Variants in CLEC4A observed in about 807,000 individuals in gnomAD.
CLEC4A encodes C-type lectin domain family 4 member A.
Under a neutral mutation model 32.7 loss-of-function variants are expected in CLEC4A, and 27 were observed. The ratio of observed to expected loss-of-function variants is 0.83; its 90% CI spans 0.61 to 1.14. The LOEUF is 1.14. Among genes scored for constraint, CLEC4A ranks in the 50% most tolerant of loss-of-function variants. The probability of loss-of-function intolerance (pLI) is 0.00; values close to 1 mark genes in which losing one functional copy is unlikely to be tolerated. For synonymous variants in CLEC4A, 89 were observed against 93.7 expected, an observed-to-expected ratio of 0.95 and a Z score of 0.29; for missense variants, 253 against 274.6, an observed-to-expected ratio of 0.92 and a Z score of 0.55.
chr12:8,111,499 C>G, the CLEC4A span, among the ~76,000 whole-genome samples: 6 of 152,216 alleles, frequency 3.9e-5, no homozygotes, highest in East Asian at 1.2e-3. Context: ...TTTTTTAAAG[C>G]ATTCTCTCTC....
intron 3 of CLEC4A, among the ~76,000 whole-genome samples, chr12:8,135,045 A>ATTTTTTTTTTTT (rs1565406500): frequency 1.0e-3 from 5 of 4,970 alleles, no homozygotes; most frequent in African/African-American, 1.3e-3. Flanking sequence ...CAATTTTATT[A>ATTTTTTTTTTTT]TCTTTTTTTT....
chr12:8,120,690 G>A (rs1947824460), upstream of CLEC4A, among the ~76,000 whole-genome samples: 3 of 152,226 alleles, frequency 2.0e-5, no homozygotes, highest in South Asian at 6.2e-4. Context: ...TTTTCTCTGT[G>A]CCTTAGCAGA....
Position 8,134,783 on chromosome 12 carries a change from C to A in CLEC4A, c.299-802C>A, listed in dbSNP as rs751799709. ...GATCAACCCAGCCCGGCTCCGGCCC[C>A]CCTGGCCCATCACCTCCACCGCCTG... is the stretch of plus-strand genomic sequence containing the variant. On this transcript the variant is annotated intron_variant, in intron 3 of 5. Transcript: ENST00000229332. The A allele has an allele frequency of 2.1e-5, 32 of 1,552,774 alleles. 1 individual carries two copies. The South Asian group carries it at 2.5e-4, about 12-fold the overall frequency.
the CLEC4A span, among the ~76,000 whole-genome samples, chr12:8,116,283 G>A: frequency 6.6e-6 from 1 of 151,954 alleles, no homozygotes; most frequent in East Asian, 1.9e-4. Flanking sequence ...TTTTATTTTT[G>A]TAGAAGTGGG....
At position 8,136,849 on chromosome 12, in the gene CLEC4A, A is replaced by G. The variant is rs1948126870; in HGVS notation, c.512A>G (p.Glu171Gly). The G allele has an allele frequency of 6.2e-7, 1 of 1,613,638 alleles. No individual in the cohort carries two copies. Among genetic ancestry groups the G allele is most frequent in the Non-Finnish European group, 8.5e-7 (1 of 1,179,694 alleles). ...SAYFVGLSDP[E>G]GQRHWQWVDQ... ...TATTTTGTGGGGCTCTCAGATCCAG[A>G]AGGTCAGCGACATTGGCAATGGGTT... The change falls in exon 5 of 6, where the codon GAA (glutamate) becomes GGA (glycine). Residue 171 changes from glutamate to glycine, a missense_variant. Coordinates refer to ENST00000229332, the MANE Select transcript of CLEC4A (RefSeq NM_016184.4).
At chr12:8,129,122 T>C (rs1947949958) in intron 2 of CLEC4A, 142 bp from the exon 3 acceptor site, 2 of 588,990 alleles carry the variant, frequency 3.4e-6, no homozygotes, top group Non-Finnish European at 6.0e-6. Context: ...ATCTATAGTT[T>C]CAGTATGGGA....
chr12:8,134,485 T>G, intron 3 of CLEC4A: 1 of 1,613,972 alleles, frequency 6.2e-7, no homozygotes, highest in Non-Finnish European at 8.5e-7. Flanking sequence ...TTCTCCAGCT[T>G]CACGGCACCA....
the CLEC4A span, among the ~76,000 whole-genome samples, chr12:8,111,591 A>G: frequency 3.9e-5 from 6 of 152,222 alleles, no homozygotes; most frequent in Admixed American, 3.9e-4. Flanking sequence ...TAAAAAATTA[A>G]TAATGTTCTG....
chr12:8,136,754 G>C (rs761777038), intron 4 of CLEC4A, 34 bp from the exon 5 acceptor site: 18 of 1,338,178 alleles, frequency 1.3e-5, no homozygotes, highest in Admixed American at 3.4e-5. Flanking sequence ...GCTGAATACT[G>C]TAAAGGCTGT....
At chr12:8,103,803 C>G in the CLEC4A span, among the ~76,000 whole-genome samples, 1 of 152,142 alleles carries the variant, frequency 6.6e-6, no homozygotes, top group Admixed American at 6.5e-5. Flanking sequence ...GTGTAATGCT[C>G]GCCCAAATAC....
At chr12:8,103,334 C>T in the CLEC4A span, among the ~76,000 whole-genome samples, 1 of 140,448 alleles carries the variant, frequency 7.1e-6, no homozygotes, top group African/African-American at 2.6e-5. Context: ...TGTGCTTTAA[C>T]AAACTTAAGA....
chr12:8,138,382 T>C lies in CLEC4A; in HGVS notation c.*95T>C. On this transcript the variant is annotated 3_prime_UTR_variant, in exon 6 of 6. Coordinates refer to ENST00000229332, the MANE Select transcript of CLEC4A (RefSeq NM_016184.4). ...CTTATTCATGTGTAAGGGAGGTCCA[T>C]AGAATTTAGGTGGTCTGTCAACTAT... The C allele has an allele frequency of 1.4e-6, 2 of 1,452,412 alleles. No homozygotes were observed. The highest frequency in any genetic ancestry group is 9.4e-7 in the Non-Finnish European group (1 of 1,060,314). 90.0% of individuals were successfully genotyped at this position (1,452,412 alleles called of 1,614,324 possible).
upstream of CLEC4A, among the ~76,000 whole-genome samples, chr12:8,120,558 G>A (rs1384497737): frequency 6.6e-6 from 1 of 152,214 alleles, no homozygotes; most frequent in African/African-American, 2.4e-5. Context: ...GCCTCTCAGA[G>A]TTGTGGAACT....
At chr12:8,122,130 C>T (rs763596665), upstream of CLEC4A, among the ~76,000 whole-genome samples, 1 of 152,004 alleles carries the variant, frequency 6.6e-6, no homozygotes, top group South Asian at 2.1e-4. Context: ...GATGGAGGAC[C>T]TGCATGGAGT....
the CLEC4A span, among the ~76,000 whole-genome samples, chr12:8,103,373 GTTGTTTTTTTTTTTTT>G: frequency 2.6e-5 from 2 of 78,036 alleles, no homozygotes; most frequent in South Asian, 4.2e-4. Flanking sequence ...GTTTCTTTCT[GTTGTTTTTTTTTTTTT>G]TTTTTTTTTT....
chr12:8,114,305 C>T, the CLEC4A span, among the ~76,000 whole-genome samples: 11 of 147,918 alleles, frequency 7.4e-5, no homozygotes, highest in South Asian at 2.1e-4. Context: ...AGTGCAGTGG[C>T]GTGATCTCGG....
the CLEC4A span, among the ~76,000 whole-genome samples, chr12:8,115,373 G>GTACATCTAA: frequency 2.0e-5 from 3 of 152,272 alleles, no homozygotes; most frequent in Non-Finnish European, 1.5e-5. Flanking sequence ...TATGGATTTA[G>GTACATCTAA]TACATCTAAG....
chr12:8,134,812 G>C (rs749124196), intron 3 of CLEC4A: 12 of 1,551,034 alleles, frequency 7.7e-6, no homozygotes, highest in Admixed American at 3.9e-5. Context: ...CCGCCTGGAG[G>C]GGGTGAGAAG....
upstream of CLEC4A, among the ~76,000 whole-genome samples, chr12:8,119,353 T>A (rs1947813207): frequency 1.3e-5 from 2 of 152,196 alleles, no homozygotes; most frequent in South Asian, 4.1e-4. Context: ...GCCTCCCTAG[T>A]GTCTGGGCTT....
Sources: gnomAD v4.1 joint callset for allele counts (sites outside exome capture counted in the v4.1 genomes callset) on GRCh38, gnomAD v4.1.1 for gene constraint, MANE v1.5 for transcripts, NCBI Gene and HGNC (gene_info 2026-07-23, HGNC 2026-07-21) for gene names.